Variants in PTPRN2 observed in about 807,000 individuals in gnomAD.
PTPRN2 encodes receptor-type tyrosine-protein phosphatase N2.
Under a neutral mutation model 118.8 loss-of-function variants are expected in PTPRN2, and 74 were observed. That is an observed-to-expected ratio of 0.62 (90% CI 0.52 to 0.76). The LOEUF (loss-of-function observed/expected upper bound fraction) is 0.76. PTPRN2 is among the 30% of genes least tolerant of loss of function. PTPRN2 has a pLI of 0.00. For synonymous variants in PTPRN2, 641 were observed against 608.0 expected, an observed-to-expected ratio of 1.05 and a Z score of -0.80; for missense variants, 1,481 against 1,394.4, an observed-to-expected ratio of 1.06 and a Z score of -0.99.
At chr7:157,852,106 T>G (rs879669252) in intron 12 of PTPRN2, among the ~76,000 whole-genome samples, 7 of 152,220 alleles carry the variant, frequency 4.6e-5, no homozygotes, top group Non-Finnish European at 8.8e-5. Flanking sequence ...GGAGTCTGGA[T>G]TTTTAAAATA....
chr7:158,056,565 T>C (rs1406213524), intron 11 of PTPRN2, among the ~76,000 whole-genome samples: 1 of 152,196 alleles, frequency 6.6e-6, no homozygotes, highest in Non-Finnish European at 1.5e-5. Context: ...GACGATGGGA[T>C]GTTTTCGTGT....
chr7:157,796,387 AC>A (rs2151086564), intron 12 of PTPRN2, among the ~76,000 whole-genome samples: 1 of 152,222 alleles, frequency 6.6e-6, no homozygotes, highest in African/African-American at 2.4e-5. Flanking sequence ...GCTCATCTAC[AC>A]CCAATCCTAG....
intron 5 of PTPRN2, among the ~76,000 whole-genome samples, chr7:158,180,337 C>T (rs1354793980): frequency 2.0e-5 from 3 of 152,200 alleles, no homozygotes; most frequent in Non-Finnish European, 4.4e-5. Context: ...GGTCTATGTG[C>T]CTACTCTTCT....
intron 11 of PTPRN2, among the ~76,000 whole-genome samples, chr7:157,949,461 C>A (rs1800681417): frequency 6.6e-6 from 1 of 152,172 alleles, no homozygotes; most frequent in Admixed American, 6.5e-5. Context: ...GGAGTTTATT[C>A]CTCTTTGTGC....
At chr7:157,707,502 C>T (rs1240126195) in intron 12 of PTPRN2, among the ~76,000 whole-genome samples, 2 of 152,316 alleles carry the variant, frequency 1.3e-5, no homozygotes, top group East Asian at 1.9e-4. Flanking sequence ...AATGCTAACC[C>T]GCTGTAGTTT....
At chr7:157,771,787 TCACAGACACAGACACAAACACACAGA>T (rs1802832509) in intron 12 of PTPRN2, among the ~76,000 whole-genome samples, 1 of 132,532 alleles carries the variant, frequency 7.5e-6, no homozygotes, top group East Asian at 2.3e-4. Flanking sequence ...AGACACACAC[TCACAGACACAGACACAAACACACAGA>T]CACAGACACA....
At chr7:157,697,008 A>T (rs375488061) in intron 12 of PTPRN2, among the ~76,000 whole-genome samples, 1 of 76,150 alleles carries the variant, frequency 1.3e-5, no homozygotes, top group Non-Finnish European at 2.5e-5. Context: ...AGCCCTCACC[A>T]TCTACCCATG....
intron 12 of PTPRN2, among the ~76,000 whole-genome samples, chr7:157,720,181 C>T (rs905331097): frequency 6.6e-6 from 1 of 152,208 alleles, no homozygotes; most frequent in African/African-American, 2.4e-5. Flanking sequence ...GGGGCCAGTC[C>T]AGATATCTGC....
At chr7:157,850,326 C>T (rs1371564796) in intron 12 of PTPRN2, among the ~76,000 whole-genome samples, 8 of 75,980 alleles carry the variant, frequency 1.1e-4, no homozygotes, top group African/African-American at 1.7e-4. Flanking sequence ...GAATTTCCGA[C>T]GTGGGTGCCT....
At chr7:157,554,958 C>A (rs1798806176) in intron 21 of PTPRN2, among the ~76,000 whole-genome samples, 1 of 151,180 alleles carries the variant, frequency 6.6e-6, no homozygotes, top group Non-Finnish European at 1.5e-5. Flanking sequence ...TTGCTCAGCA[C>A]CCCAGTGTGG....
rs1446332940 is a variant in PTPRN2 at position 157,609,899 on chromosome 7, G to C, written c.2345-5824C>G. Among the ~76,000 whole-genome samples, 2 of 152,202 alleles carry C rather than the reference G, an allele frequency of 1.3e-5. No individual in the cohort carries two copies. Among genetic ancestry groups the C allele is most frequent in the Non-Finnish European group, 2.9e-5 (2 of 68,034 alleles). On this transcript the variant is annotated intron_variant, in intron 15 of 22. Transcript: ENST00000389418. This position sits in a 1 kb window ranked among gnomAD's most constrained non-coding sequence, Gnocchi z 4.9. ...ACAATTTCTTGTTGATTATTACTAT[G>C]GCAAAGAGCCTTGGGAGATGGCCCA...
intron 19 of PTPRN2, among the ~76,000 whole-genome samples, chr7:157,571,815 C>G (rs778081397): frequency 8.5e-5 from 13 of 152,184 alleles, no homozygotes; most frequent in Admixed American, 5.2e-4. Flanking sequence ...CTTTCTGTTT[C>G]TGCTTATGTT....
intron 1 of PTPRN2, among the ~76,000 whole-genome samples, chr7:158,500,737 C>A (rs1159590343): frequency 6.6e-6 from 1 of 152,260 alleles, no homozygotes; most frequent in Non-Finnish European, 1.5e-5. Context: ...AGTTGAAAGA[C>A]GTGACCAGGG....
At chr7:157,950,740 G>A (rs950920329) in intron 11 of PTPRN2, among the ~76,000 whole-genome samples, 1 of 152,170 alleles carries the variant, frequency 6.6e-6, no homozygotes, top group African/African-American at 2.4e-5. Flanking sequence ...GGTCTGCGTG[G>A]AGTGAAAGCG....
chr7:157,849,924 G>C (rs77572109), intron 12 of PTPRN2, among the ~76,000 whole-genome samples: 1 of 152,208 alleles, frequency 6.6e-6, no homozygotes, highest in East Asian at 1.9e-4. Flanking sequence ...GCTGGGGCCC[G>C]TGTGTGCCGT....
intron 11 of PTPRN2, among the ~76,000 whole-genome samples, chr7:158,079,763 G>T (rs1812652554): frequency 6.6e-6 from 1 of 152,226 alleles, no homozygotes; most frequent in Non-Finnish European, 1.5e-5. Context: ...AGGCACTGAA[G>T]CCGTTGTTGG....
At chr7:158,578,460 AG>A (rs1266954428) in intron 1 of PTPRN2, among the ~76,000 whole-genome samples, 2 of 147,846 alleles carry the variant, frequency 1.4e-5, no homozygotes, top group Admixed American at 1.4e-4. Context: ...ACTTGAGCCC[AG>A]GAGTTCAGGG....
intron 11 of PTPRN2, among the ~76,000 whole-genome samples, chr7:158,010,147 C>T (rs756837089): frequency 6.6e-6 from 1 of 152,200 alleles, no homozygotes; most frequent in Non-Finnish European, 1.5e-5. Context: ...CCCCAGCAGC[C>T]CTCAGCAAGC....
rs1035978978 is a variant in PTPRN2 at position 157,539,128 on chromosome 7, C to T, written c.*1586G>A. Reference sequence around the variant, plus strand: ...CTCACACCGGAGGTTTCTCTTCAAACATAAGGAGTTAGAAATTACAAGTAG... The same window carrying T: ...CTCACACCGGAGGTTTCTCTTCAAATATAAGGAGTTAGAAATTACAAGTAG... On this transcript the variant is annotated 3_prime_UTR_variant, in exon 23 of 23. Coordinates refer to ENST00000389418, the MANE Select transcript of PTPRN2 (RefSeq NM_002847.5). 4.6e-5 allele frequency: 7 copies of T among 152,164 alleles called. No homozygotes were observed. Among genetic ancestry groups the T allele is most frequent in the African/African-American group, 1.7e-4 (7 of 41,410 alleles). The allele number at this position is 152,164 out of a possible 1,614,324, so 9.4% of individuals were successfully genotyped here. A position where few individuals can be genotyped will look rare whatever the true frequency, so the allele number is the denominator to read the frequency against.
Sources: allele counts gnomAD v4.1 joint callset (sites outside exome capture counted in the v4.1 genomes callset), GRCh38; gene constraint gnomAD v4.1.1; non-coding constraint Gnocchi (gnomAD v3.1); transcripts MANE v1.5; gene names NCBI Gene and HGNC (gene_info 2026-07-23, HGNC 2026-07-21).